Variants in UGGT2 observed in about 807,000 individuals in gnomAD.
UGGT2 encodes the protein UDP-glucose glycoprotein glucosyltransferase 2, also known as UDP-glucose:glycoprotein glucosyltransferase 2.
UGGT2 carries 180 observed loss-of-function variants against 192.1 expected under a neutral mutation model. That is an observed-to-expected ratio of 0.94 (90% CI 0.83 to 1.06). The LOEUF (loss-of-function observed/expected upper bound fraction) is 1.06. Ranked by LOEUF, UGGT2 falls within the 50% of genes least tolerant of loss-of-function variation. The probability of loss-of-function intolerance (pLI) is 0.00; values close to 1 mark genes in which losing one functional copy is unlikely to be tolerated. For synonymous variants in UGGT2, 580 were observed against 591.0 expected, an observed-to-expected ratio of 0.98 and a Z score of 0.27; for missense variants, 1,849 against 1,795.7, an observed-to-expected ratio of 1.03 and a Z score of -0.54.
intron 38 of UGGT2, chr13:95,832,708 G>C (rs769895299): frequency 1.6e-6 from 1 of 631,904 alleles, no homozygotes; most frequent in Non-Finnish European, 2.9e-6. Flanking sequence ...TATCCATATA[G>C]AGTTATGAGC....
intron 5 of UGGT2, among the ~76,000 whole-genome samples, chr13:96,001,454 C>T (rs907079538): frequency 4.0e-4 from 61 of 152,236 alleles, no homozygotes; most frequent in African/African-American, 1.4e-3. Flanking sequence ...CGCTGACTCT[C>T]TTTTCGGACT....
At position 95,973,974 on chromosome 13, in the gene UGGT2, T is replaced by C. The variant is rs1206188556; in HGVS notation, c.1093-1303A>G. On this transcript the variant is annotated intron_variant, in intron 10 of 38. Coordinates refer to ENST00000376747, the MANE Select transcript of UGGT2 (RefSeq NM_020121.4). Reference sequence around the variant, plus strand: ...TATATTTAGGAGGAAAAACAACCAGTGTATTTCAACATCATATGATAAGTC... The same window carrying C: ...TATATTTAGGAGGAAAAACAACCAGCGTATTTCAACATCATATGATAAGTC... Among the ~76,000 whole-genome samples the C allele has an allele frequency of 3.3e-5, 5 of 152,202 alleles. No homozygotes were observed. In the East Asian group the frequency reaches 9.6e-4, roughly 29 times the overall value.
chr13:96,015,277 CA>C (rs35384365), intron 4 of UGGT2, among the ~76,000 whole-genome samples: 51,473 of 110,956 alleles, frequency 0.46, 9,081 homozygotes, highest in Middle Eastern at 0.57. Flanking sequence ...GACTCCGTCT[CA>C]AAAAAAAAAA....
rs535146544 is a variant in UGGT2, at chr13:95,974,416, T to A, written c.1093-1745A>T. Among the ~76,000 whole-genome samples, 6 of 152,324 alleles carry A rather than the reference T, an allele frequency of 3.9e-5. No homozygotes were observed. In the East Asian group the frequency reaches 1.2e-3, roughly 29 times the overall value. On this transcript the variant is annotated intron_variant, in intron 10 of 38. Transcript: ENST00000376747. ...ATACATTCGTTTTAGTGGAGCTCAA[T>A]TGTAAGTACAAAGTACACCAAGCAT...
chr13:95,875,973 T>G (rs1891637791), intron 29 of UGGT2, among the ~76,000 whole-genome samples: 1 of 152,126 alleles, frequency 6.6e-6, no homozygotes, highest in Non-Finnish European at 1.5e-5. Flanking sequence ...TTATCAAGAG[T>G]TGGCAAACTA....
chr13:95,809,379 C>A, intron 38 of UGGT2: 1 of 406,436 alleles, frequency 2.5e-6, no homozygotes, highest in Non-Finnish European at 4.8e-6. Flanking sequence ...TCTCCATTTT[C>A]TGCAGGCAAA....
chr13:95,978,508 T>C (rs1011243929), intron 10 of UGGT2, among the ~76,000 whole-genome samples: 1 of 152,228 alleles, frequency 6.6e-6, no homozygotes, highest in Non-Finnish European at 1.5e-5. Flanking sequence ...CTTCCTTCTC[T>C]GTACAGAACA....
intron 10 of UGGT2, among the ~76,000 whole-genome samples, chr13:95,975,297 T>A (rs2050902127): frequency 6.6e-6 from 1 of 152,034 alleles, no homozygotes; most frequent in Non-Finnish European, 1.5e-5. Flanking sequence ...AGGACCCACA[T>A]CCAGATATCC....
intron 36 of UGGT2, among the ~76,000 whole-genome samples, chr13:95,846,017 C>T (rs1430422457): frequency 2.6e-5 from 4 of 152,076 alleles, no homozygotes; most frequent in Non-Finnish European, 4.4e-5. Flanking sequence ...ACTTCCTAGA[C>T]GGGGTGGCGG....
chr13:96,001,304 T>C (rs2051794710), intron 5 of UGGT2, among the ~76,000 whole-genome samples: 2 of 152,130 alleles, frequency 1.3e-5, no homozygotes, highest in South Asian at 2.1e-4. Flanking sequence ...GTCCTTTTCC[T>C]GGCTCATCCT....
chr13:95,901,234 A>G (rs1272972271), intron 21 of UGGT2, among the ~76,000 whole-genome samples: 1 of 152,138 alleles, frequency 6.6e-6, no homozygotes, highest in Admixed American at 6.5e-5. Flanking sequence ...ATAAAATTTG[A>G]TATGAAGAAA....
chr13:95,971,033 C>T (rs570554931), intron 11 of UGGT2, among the ~76,000 whole-genome samples: 2 of 152,116 alleles, frequency 1.3e-5, no homozygotes, highest in Admixed American at 1.3e-4. Context: ...TTTATAGAAC[C>T]AATGCTGATC....
chr13:96,019,580 G>T (rs1454201510), intron 4 of UGGT2, among the ~76,000 whole-genome samples: 1 of 152,094 alleles, frequency 6.6e-6, no homozygotes, highest in Non-Finnish European at 1.5e-5. Context: ...CACTTATCAG[G>T]GAATGGGTCT....
chr13:96,032,584 A>C (rs915469464), intron 1 of UGGT2, among the ~76,000 whole-genome samples: 1 of 152,228 alleles, frequency 6.6e-6, no homozygotes, highest in Non-Finnish European at 1.5e-5. Context: ...TTTCAGAAAT[A>C]ATGAAATAAA....
At chr13:95,914,765 C>CG (rs1459300758) in intron 20 of UGGT2, among the ~76,000 whole-genome samples, 1 of 151,456 alleles carries the variant, frequency 6.6e-6, no homozygotes, top group Non-Finnish European at 1.5e-5. Flanking sequence ...ACTGCATCAC[C>CG]GCACTCCAGC....
At chr13:95,898,630 G>A (rs184699296) in intron 22 of UGGT2, among the ~76,000 whole-genome samples, 2 of 152,244 alleles carry the variant, frequency 1.3e-5, no homozygotes, top group African/African-American at 2.4e-5. Context: ...AGTGTTGGGA[G>A]CTGGGGCCTA....
chr13:95,932,692 C>G (rs558168252), intron 17 of UGGT2, among the ~76,000 whole-genome samples: 214 of 152,190 alleles, frequency 1.4e-3, no homozygotes, highest in African/African-American at 4.7e-3. Flanking sequence ...ATGTTTCCAG[C>G]TTTTCACTGT....
At chr13:95,877,598 T>C (rs1891827883) in intron 28 of UGGT2, 100 bp downstream of exon 28, 1 of 1,375,526 alleles carries the variant, frequency 7.3e-7, no homozygotes, top group Non-Finnish European at 9.7e-7. Flanking sequence ...CTGCAAACTG[T>C]TCAGCAACAG....
chr13:95,927,530 T>C (rs1039589393), intron 17 of UGGT2, among the ~76,000 whole-genome samples, 194 bp from the exon 18 acceptor site: 4 of 151,068 alleles, frequency 2.6e-5, no homozygotes, highest in African/African-American at 9.7e-5. Context: ...CTGTCTCAGG[T>C]GTTGGCAATT....
Sources: gnomAD v4.1 joint callset for allele counts (sites outside exome capture counted in the v4.1 genomes callset) on GRCh38, gnomAD v4.1.1 for gene constraint, MANE v1.5 for transcripts, NCBI Gene and HGNC (gene_info 2026-07-23, HGNC 2026-07-21) for gene names.